SAMD5: variants seen among roughly 807,000 people sequenced by gnomAD.
SAMD5 encodes sterile alpha motif domain containing 5, also known as sterile alpha motif domain-containing protein 5.
SAMD5 carries 13 observed loss-of-function variants against 11.3 expected under a neutral mutation model. The observed-to-expected ratio is 1.15, with a 90% CI of 0.75 to 1.83. The LOEUF (loss-of-function observed/expected upper bound fraction) is 1.83. Among genes scored for constraint, SAMD5 ranks in the 40% most tolerant of loss-of-function variants. The pLI is 0.00. For synonymous variants in SAMD5, 129 were observed against 111.3 expected (o/e 1.16, Z -1.00); for missense variants, 255 against 239.1 (o/e 1.07, Z -0.44).
the SAMD5 span, among the ~76,000 whole-genome samples, chr6:147,849,670 T>TG: frequency 6.6e-6 from 1 of 152,142 alleles, no homozygotes; most frequent in African/African-American, 2.4e-5. Flanking sequence ...AGCCTGTGTG[T>TG]GAAAAAAAAG....
intron 1 of SAMD5, among the ~76,000 whole-genome samples, chr6:147,722,101 G>A (rs1178975409): frequency 6.6e-6 from 1 of 152,042 alleles, no homozygotes; most frequent in Non-Finnish European, 1.5e-5. Context: ...TTGTGTCTTG[G>A]GATACCCAGT....
chr6:147,903,124 C>A, the SAMD5 span, among the ~76,000 whole-genome samples: 1 of 152,194 alleles, frequency 6.6e-6, no homozygotes, highest in Non-Finnish European at 1.5e-5. Context: ...AATCCTCACA[C>A]ATACAATTAT....
intron 1 of SAMD5, among the ~76,000 whole-genome samples, chr6:147,557,309 C>G (rs1166462830): frequency 6.6e-6 from 1 of 152,174 alleles, no homozygotes; most frequent in Non-Finnish European, 1.5e-5. Flanking sequence ...TCTATCTTTC[C>G]TGCAAAGGAG....
At chr6:147,810,687 G>A in the SAMD5 span, among the ~76,000 whole-genome samples, 2 of 152,134 alleles carry the variant, frequency 1.3e-5, no homozygotes, top group South Asian at 2.1e-4. Context: ...TTAACATTTC[G>A]GTAGCGCTGG....
chr6:147,525,466 T>A (rs1056502041), intron 1 of SAMD5, among the ~76,000 whole-genome samples: 10 of 151,636 alleles, frequency 6.6e-5, no homozygotes, highest in African/African-American at 2.4e-4. Flanking sequence ...GATTGGAATC[T>A]GTGGAAATGG....
chr6:147,815,497 T>A, the SAMD5 span, among the ~76,000 whole-genome samples: 4 of 152,070 alleles, frequency 2.6e-5, no homozygotes, highest in Admixed American at 2.6e-4. Flanking sequence ...TGTTCTACCT[T>A]ATGTAGCATT....
At chr6:147,595,096 G>A (rs983312787) in intron 1 of SAMD5, among the ~76,000 whole-genome samples, 5 of 152,184 alleles carry the variant, frequency 3.3e-5, no homozygotes, top group African/African-American at 1.2e-4. Flanking sequence ...CTTAGTACTT[G>A]CTGTACCTGT....
chr6:147,653,238 T>G (rs1212553024), intron 1 of SAMD5, among the ~76,000 whole-genome samples: 2 of 152,206 alleles, frequency 1.3e-5, no homozygotes, highest in African/African-American at 4.8e-5. Context: ...AAAATGGAGT[T>G]AAATAGACTT....
intron 1 of SAMD5, among the ~76,000 whole-genome samples, chr6:147,716,812 AAG>A (rs1404655435): frequency 2.6e-5 from 4 of 152,240 alleles, no homozygotes; most frequent in African/African-American, 4.8e-5. Context: ...AGGAGGAAGA[AAG>A]AGAAAGTCAA....
chr6:147,925,682 C>CTTTTTTTTTTTT, the SAMD5 span, among the ~76,000 whole-genome samples: 2 of 115,282 alleles, frequency 1.7e-5, no homozygotes, highest in Non-Finnish European at 1.8e-5. Context: ...ACTGAGAATT[C>CTTTTTTTTTTTT]TTTTTTTTTT....
At chr6:147,770,254 A>AT in the SAMD5 span, among the ~76,000 whole-genome samples, 4 of 151,670 alleles carry the variant, frequency 2.6e-5, no homozygotes, top group East Asian at 5.8e-4. Flanking sequence ...CTGTACTTTA[A>AT]TTTTTTTTAA....
intron 1 of SAMD5, among the ~76,000 whole-genome samples, chr6:147,629,876 T>A (rs1229617606): frequency 3.3e-5 from 5 of 152,022 alleles, no homozygotes; most frequent in Non-Finnish European, 5.9e-5. Flanking sequence ...AGTTATGTGC[T>A]CTGGAGGATC....
chr6:147,945,537 T>C, the SAMD5 span, among the ~76,000 whole-genome samples: 1 of 152,178 alleles, frequency 6.6e-6, no homozygotes. Context: ...GGTGAATTCA[T>C]TGGAGGTGAT....
the SAMD5 span, among the ~76,000 whole-genome samples, chr6:147,950,428 A>C: frequency 6.6e-6 from 1 of 152,132 alleles, no homozygotes; most frequent in Non-Finnish European, 1.5e-5. Flanking sequence ...CAGCTGCATC[A>C]AGGTTTGTGC....
At chr6:147,924,777 T>TATAA in the SAMD5 span, among the ~76,000 whole-genome samples, 29,617 of 147,066 alleles carry the variant, frequency 0.2, 3,121 homozygotes, top group South Asian at 0.25. Flanking sequence ...TTAATTTTGT[T>TATAA]ATAAATAAAT....
At chr6:147,618,252 G>A (rs1237031117) in intron 1 of SAMD5, among the ~76,000 whole-genome samples, 3 of 152,174 alleles carry the variant, frequency 2.0e-5, no homozygotes, top group South Asian at 2.1e-4. Flanking sequence ...CATGCTCATC[G>A]GCATTAACGT....
At chr6:147,631,261 A>C (rs964998018) in intron 1 of SAMD5, among the ~76,000 whole-genome samples, 5 of 152,198 alleles carry the variant, frequency 3.3e-5, no homozygotes, top group African/African-American at 1.2e-4. Context: ...CAAGGTCCGA[A>C]TAAGAGAAGG....
At chr6:147,781,113 A>G in the SAMD5 span, among the ~76,000 whole-genome samples, 1 of 150,818 alleles carries the variant, frequency 6.6e-6, no homozygotes, top group South Asian at 2.1e-4. Flanking sequence ...TAATTTTGTC[A>G]TCTGCCTCAA....
intron 1 of SAMD5, among the ~76,000 whole-genome samples, chr6:147,603,798 C>A (rs960810876): frequency 2.1e-4 from 32 of 149,452 alleles, no homozygotes; most frequent in African/African-American, 7.5e-4. Flanking sequence ...CAAAAAAAAA[C>A]AACAACAACA....
Sources: allele counts gnomAD v4.1 joint callset (sites outside exome capture counted in the v4.1 genomes callset), GRCh38; gene constraint gnomAD v4.1.1; transcripts MANE v1.5; gene names NCBI Gene and HGNC (gene_info 2026-07-23, HGNC 2026-07-21).